The following EXD3 variants were observed in gnomAD, a reference collection of about 807,000 sequenced individuals.
The protein encoded by EXD3 is exonuclease 3'-5' domain containing 3, also known as exonuclease mut-7 homolog.
A neutral mutation model predicts 98.0 loss-of-function variants in EXD3; 92 were observed. That is an observed-to-expected ratio of 0.94 (90% CI 0.79 to 1.12). EXD3 has a LOEUF of 1.12. Ranked by LOEUF, EXD3 falls within the 50% of genes most tolerant of loss-of-function variation. The pLI is 0.00. For missense variants in EXD3, 1,222 were observed against 1,191.6 expected (o/e 1.03, Z -0.38); for synonymous variants, 569 against 526.0 (o/e 1.08, Z -1.12).
In EXD3 at chr9:137,385,426, G is replaced by A. The variant is rs570114892; in HGVS notation, c.56-2049C>T. ...GGGGCCAGGGTGGGCTGGGCGGGGC[G>A]TGCTGTGGTGTGTTCACGATCATGT... On this transcript the variant is annotated intron_variant, in intron 2 of 21. Transcript: ENST00000340951. The surrounding 1 kb of genome is among the most constrained non-coding windows in gnomAD (Gnocchi z 4.4). Among the ~76,000 whole-genome samples, 35 of 152,346 alleles carry A rather than the reference G, an allele frequency of 2.3e-4. No individual in the cohort carries two copies. The highest frequency in any genetic ancestry group is 9.8e-4 in the Admixed American group (15 of 15,312).
At chr9:137,420,737 A>AACCCCCCCC (rs1554743328) in intron 1 of EXD3, among the ~76,000 whole-genome samples, 1 of 112,464 alleles carries the variant, frequency 8.9e-6, no homozygotes, top group Non-Finnish European at 1.9e-5. Flanking sequence ...ACAGACATTC[A>AACCCCCCCC]CCCCCCCCCC....
At chr9:137,342,519 C>CTCAT (rs1216156592) in intron 17 of EXD3, among the ~76,000 whole-genome samples, 1 of 152,160 alleles carries the variant, frequency 6.6e-6, no homozygotes, top group East Asian at 1.9e-4. Flanking sequence ...TCATTAGGGA[C>CTCAT]TCATTGCCTG....
At chr9:137,332,194 A>G (rs776070745) in intron 17 of EXD3, among the ~76,000 whole-genome samples, 2 of 152,256 alleles carry the variant, frequency 1.3e-5, no homozygotes, top group Non-Finnish European at 2.9e-5. Context: ...TGCAATTCCT[A>G]TCAAAGTACC....
At chr9:137,355,465 GGAGGAAGGAGGAA>G (rs1834606521) in intron 8 of EXD3, among the ~76,000 whole-genome samples, 1 of 78,610 alleles carries the variant, frequency 1.3e-5, no homozygotes, top group African/African-American at 6.5e-5. Flanking sequence ...GAAGGAGAAA[GGAGGAAGGAGGAA>G]GGAGGAAGGA....
chr9:137,356,037 G>T (rs139005121), intron 8 of EXD3, among the ~76,000 whole-genome samples: 1 of 152,216 alleles, frequency 6.6e-6, no homozygotes, highest in African/African-American at 2.4e-5. Context: ...AGCCGCCTAG[G>T]TGGGCAGAGG....
At chr9:137,374,285 G>T (rs979862747) in intron 3 of EXD3, among the ~76,000 whole-genome samples, 30 of 152,228 alleles carry the variant, frequency 2.0e-4, no homozygotes, top group Non-Finnish European at 7.3e-5. Flanking sequence ...CAGCGCTCGG[G>T]ACAGGGCGCA....
At chr9:137,416,131 G>C (rs995694393) in intron 1 of EXD3, among the ~76,000 whole-genome samples, 29 of 152,248 alleles carry the variant, frequency 1.9e-4, no homozygotes, top group Non-Finnish European at 2.6e-4. Context: ...CAGGGCCTCT[G>C]CCTGCCGCCG....
rs1346899673 is a variant in EXD3 at position 137,360,454 on chromosome 9, T to TTTC, written c.657-4089_657-4087dup. On this transcript the variant is annotated intron_variant, in intron 7 of 21. Transcript: ENST00000340951. ...TCTCTTTCTTTCATCCTTCCTTCCT[T>TTTC]TTCTTCTTCTTTTTTTTTTTTTTTG... is the stretch of plus-strand genomic sequence containing the variant. Among the ~76,000 whole-genome samples the TTTC allele has an allele frequency of 7.4e-4, 39 of 52,772 alleles. 13 individuals are homozygous for TTTC. Among genetic ancestry groups the TTTC allele is most frequent in the African/African-American group, 2.6e-3 (39 of 15,284 alleles). The allele number at this position is 52,772 out of a possible 152,430, so 34.6% of individuals were successfully genotyped here.
In EXD3 at chr9:137,355,577, A is replaced by T. The variant is rs111546977; in HGVS notation, c.757+691T>A. Among the ~76,000 whole-genome samples, 48 of 37,186 alleles carry T rather than the reference A, an allele frequency of 1.3e-3. 3 individuals carry two copies. The highest frequency in any genetic ancestry group is 1.6e-3 in the Non-Finnish European group (35 of 21,878). The allele number at this position is 37,186 out of a possible 152,430, so 24.4% of individuals were successfully genotyped here. On this transcript the variant is annotated intron_variant, in intron 8 of 21. Coordinates refer to ENST00000340951, the MANE Select transcript of EXD3 (RefSeq NM_017820.5). ...GGAAGGAGGAAGGGAGGATGGAGGAAGGAGGAAGGAGAAAGGGCGGAAGGA... is the reference window on the plus strand; with the variant it reads ...GGAAGGAGGAAGGGAGGATGGAGGATGGAGGAAGGAGAAAGGGCGGAAGGA...
chr9:137,309,163 G>A (rs1831225438), intron 20 of EXD3, among the ~76,000 whole-genome samples: 1 of 152,214 alleles, frequency 6.6e-6, no homozygotes, highest in South Asian at 2.1e-4. Context: ...CCCTCCACAG[G>A]AGGAGAAAGA....
In EXD3 at chr9:137,315,479, G is replaced by T. The variant is rs79377948; in HGVS notation, c.2185-5779C>A. Among the ~76,000 whole-genome samples, 1,500 of 152,180 alleles carry T rather than the reference G, an allele frequency of 9.9e-3. 22 individuals carry two copies. The highest frequency in any genetic ancestry group is 0.034 in the African/African-American group (1,405 of 41,534). ...GGGTGTCTGGCACCCCTCTGGGTGT[G>T]GCCCCTGTTGCAGCAGACTTGGGGG... On this transcript the variant is annotated intron_variant, in intron 19 of 21. Coordinates refer to ENST00000340951, the MANE Select transcript of EXD3 (RefSeq NM_017820.5).
chr9:137,307,262 G>T lies in EXD3; in HGVS notation c.2319C>A (p.Gly773=). The change falls in exon 22 of 22, where the codon GGC becomes GGA. Residue 773 remains glycine (G), a splice_region_variant and synonymous_variant. Transcript: ENST00000340951. ...CCTCAGGGGCTGCGTCTGGGGCTGG[G>T]CCTGGACAGATAGAAGTGGACTCCC... ...ATQSQAVQEP[G]PAPDAAPEGC... 6.6e-7 allele frequency: 1 copy of T among 1,511,268 alleles called. No homozygotes were observed. The highest frequency in any genetic ancestry group is 8.8e-7 in the Non-Finnish European group (1 of 1,132,532). The allele number at this position is 1,511,268 out of a possible 1,614,324, so 93.6% of individuals were successfully genotyped here. A position where few individuals can be genotyped will look rare whatever the true frequency, so the allele number is the denominator to read the frequency against.
chr9:137,309,735 G>A (rs1402346757), intron 19 of EXD3, 35 bp from the exon 20 acceptor site: 4 of 1,505,560 alleles, frequency 2.7e-6, no homozygotes, highest in Non-Finnish European at 3.6e-6. Context: ...GCCCAGGCGG[G>A]GCTTCTCCGG....
rs776689407 is a variant in EXD3 at position 137,348,132 on chromosome 9, C to T, written c.1937G>A (p.Arg646His). ...CATGCGTGCATCCACACCGAGACAG[C>T]GGAGGCTCCGTGCCAGCCCCTGCAG... ...NMLQGLARSLRCLGVDARMLG... is the reference protein window; with the variant it reads ...NMLQGLARSLHCLGVDARMLG... Residue 646 changes from arginine to histidine, a missense_variant, in exon 17 of 22, where the codon CGC becomes CAC. Arg to His is a conservative substitution (Grantham distance 29, BLOSUM62 0). Coordinates refer to ENST00000340951, the MANE Select transcript of EXD3 (RefSeq NM_017820.5). 8.7e-6 allele frequency: 14 copies of T among 1,612,148 alleles called. No homozygotes were observed. Among genetic ancestry groups the T allele is most frequent in the Middle Eastern group, 1.7e-4 (1 of 6,046 alleles).
chr9:137,311,262 C>T (rs1170316268), intron 19 of EXD3, among the ~76,000 whole-genome samples: 1 of 152,246 alleles, frequency 6.6e-6, no homozygotes, highest in Non-Finnish European at 1.5e-5. Context: ...GTGACCTGGC[C>T]TCTGGGCCCA....
rs960926450 is a variant in EXD3 at position 137,385,894 on chromosome 9, G to A, written c.56-2517C>T. Among the ~76,000 whole-genome samples, 12 of 152,130 alleles carry A rather than the reference G, an allele frequency of 7.9e-5. No individual in the cohort carries two copies. The highest frequency in any genetic ancestry group is 1.3e-4 in the Non-Finnish European group (9 of 68,032). ...AGATGAGAAGGTTCTGCAGGTGGAC[G>A]GTGGTGGCAGCTGTGCAGCCACATG... On this transcript the variant is annotated intron_variant, in intron 2 of 21. Transcript: ENST00000340951. This position sits in a 1 kb window ranked among gnomAD's most constrained non-coding sequence, Gnocchi z 4.4.
At chr9:137,328,653 T>TC (rs1832665188) in intron 17 of EXD3, among the ~76,000 whole-genome samples, 1 of 58,252 alleles carries the variant, frequency 1.7e-5, no homozygotes, top group African/African-American at 1.0e-4. Context: ...TACACGGGAC[T>TC]ACACGGGACT....
chr9:137,402,246 C>T (rs989400114), intron 1 of EXD3, among the ~76,000 whole-genome samples: 2 of 152,182 alleles, frequency 1.3e-5, no homozygotes, highest in African/African-American at 2.4e-5. Context: ...GAACTCCTGA[C>T]CTCGTGATCC....
At position 137,410,505 on chromosome 9, in the gene EXD3, A is replaced by T. The variant is rs935406493; in HGVS notation, c.-48+12609T>A. 3.9e-3 allele frequency among the ~76,000 whole-genome samples: 581 copies of T among 150,442 alleles called. 3 individuals are homozygous for T. Among genetic ancestry groups the T allele is most frequent in the African/African-American group, 0.014 (558 of 40,956 alleles). The stretch of plus-strand genomic sequence containing the variant: ...GTCTCAAAAAAAAAAAAAAAAAAAA[A>T]TTAACAACCAACCCTTTTAAGTGTC... On this transcript the variant is annotated intron_variant, in intron 1 of 21. Coordinates refer to ENST00000340951, the MANE Select transcript of EXD3 (RefSeq NM_017820.5).
Sources: gnomAD v4.1 joint callset for allele counts (sites outside exome capture counted in the v4.1 genomes callset) on GRCh38, gnomAD v4.1.1 for gene constraint, Gnocchi (gnomAD v3.1) non-coding constraint, MANE v1.5 for transcripts, NCBI Gene and HGNC (gene_info 2026-07-23, HGNC 2026-07-21) for gene names.